The following ADGRD1 variants were observed in gnomAD, a reference collection of about 807,000 sequenced individuals.
The protein encoded by ADGRD1 is adhesion G protein-coupled receptor D1.
Under a neutral mutation model 113.4 loss-of-function variants are expected in ADGRD1, and 77 were observed. The observed-to-expected ratio is 0.68, with a 90% CI of 0.57 to 0.82. The LOEUF (loss-of-function observed/expected upper bound fraction) is 0.82, where lower values mean the gene tolerates loss of function less well. Among genes scored for constraint, ADGRD1 ranks in the 40% least tolerant of loss-of-function variants. ADGRD1 has a pLI of 0.00. For synonymous variants in ADGRD1, 474 were observed against 475.0 expected, an observed-to-expected ratio of 1.00 and a Z score of 0.03; for missense variants, 1,036 against 1,139.1, an observed-to-expected ratio of 0.91 and a Z score of 1.30.
chr12:131,011,110 C>A (rs1160374380), intron 12 of ADGRD1, among the ~76,000 whole-genome samples: 1 of 138,044 alleles, frequency 7.2e-6, no homozygotes, highest in Non-Finnish European at 1.6e-5. Context: ...CCTGCCCCAC[C>A]CTGCCCCACC....
At chr12:131,047,034 A>G (rs556508808) in intron 13 of ADGRD1, among the ~76,000 whole-genome samples, 1 of 133,038 alleles carries the variant, frequency 7.5e-6, no homozygotes, top group East Asian at 2.5e-4. Context: ...CTCTCTAGTC[A>G]GTGTCCTCCC....
intron 13 of ADGRD1, among the ~76,000 whole-genome samples, chr12:131,048,391 G>A (rs572563537): frequency 4.6e-5 from 7 of 152,304 alleles, no homozygotes; most frequent in South Asian, 2.1e-4. Flanking sequence ...GGAAGCAGCC[G>A]CCCATCCTCG....
At chr12:130,968,617 A>G (rs1871275188) in intron 3 of ADGRD1, 1 of 240,778 alleles carries the variant, frequency 4.2e-6, no homozygotes, top group Non-Finnish European at 8.0e-6. Context: ...TGACATCATA[A>G]CCATTCATCC....
intron 15 of ADGRD1, among the ~76,000 whole-genome samples, chr12:131,092,967 C>A (rs779124962): frequency 1.9e-4 from 28 of 151,184 alleles, no homozygotes; most frequent in Non-Finnish European, 3.1e-4. Flanking sequence ...ATGCTGGAGG[C>A]GAGTGGCTAC....
At chr12:131,014,627 T>C (rs931437660) in intron 13 of ADGRD1, among the ~76,000 whole-genome samples, 1 of 152,214 alleles carries the variant, frequency 6.6e-6, no homozygotes, top group African/African-American at 2.4e-5. Flanking sequence ...TCCTCATTTA[T>C]AACAAGTGTC....
chr12:130,976,249 T>TCAGGG (rs1593281495), intron 4 of ADGRD1, among the ~76,000 whole-genome samples: 1 of 151,892 alleles, frequency 6.6e-6, no homozygotes, highest in East Asian at 1.9e-4. Flanking sequence ...CGATCTGGGG[T>TCAGGG]CAGGGGGCTT....
intron 6 of ADGRD1, chr12:130,990,533 G>C (rs527501928): frequency 1.3e-5 from 2 of 153,328 alleles, no homozygotes; most frequent in Non-Finnish European, 2.9e-5. Context: ...TTGGGCTAGA[G>C]GGGGCTCAGG....
chr12:130,992,936 G>A (rs1327101656), intron 8 of ADGRD1, among the ~76,000 whole-genome samples: 1 of 152,180 alleles, frequency 6.6e-6, no homozygotes. Flanking sequence ...GCTGTCTTCT[G>A]TTTTAGGGCT....
chr12:130,993,886 G>GC, intron 8 of ADGRD1: 1 of 154,848 alleles, frequency 6.5e-6, no homozygotes, highest in Non-Finnish European at 1.4e-5. Flanking sequence ...CCAGCTGCAG[G>GC]CCCCCAGCAC....
intron 7 of ADGRD1, 167 bp downstream of exon 7, chr12:130,991,245 T>C (rs577306903): frequency 3.4e-6 from 2 of 584,410 alleles, no homozygotes; most frequent in South Asian, 2.1e-5. Context: ...TACTAATTCT[T>C]GGTGCTAAGA....
rs538416279 is a variant in ADGRD1 at position 131,057,810 on chromosome 12, G to A, written c.1474-18991G>A. Among the ~76,000 whole-genome samples the A allele has an allele frequency of 6.6e-6, 1 of 152,264 alleles. No individual in the cohort carries two copies. The highest frequency in any genetic ancestry group is 2.1e-4 in the South Asian group (1 of 4,814). The stretch of plus-strand genomic sequence containing the variant: ...AACCGTTCAACCCACAACACAGGTG[G>A]AGCTGGGATGAGGCAGAAAATGGGT... On this transcript the variant is annotated intron_variant, in intron 13 of 24. Transcript: ENST00000261654. The surrounding 1 kb of genome is among the most constrained non-coding windows in gnomAD (Gnocchi z 4.2).
Position 131,086,416 on chromosome 12 carries a change from C to T in ADGRD1, c.1671+1753C>T, listed in dbSNP as rs368840942. Among the ~76,000 whole-genome samples, 38 of 152,270 alleles carry T rather than the reference C, an allele frequency of 2.5e-4. No homozygotes were observed. In the East Asian group the frequency reaches 6.6e-3, roughly 26 times the overall value. On this transcript the variant is annotated intron_variant, in intron 15 of 24. Coordinates refer to ENST00000261654, the MANE Select transcript of ADGRD1 (RefSeq NM_198827.5). ...CTGTGGGAAGGACACGAGTCCACTG[C>T]GACACAGTCACGGATCCAGCGCTCA... is the stretch of plus-strand genomic sequence containing the variant.
chr12:131,118,273 A>C, intron 18 of ADGRD1, 112 bp from the exon 19 acceptor site: 1 of 733,074 alleles, frequency 1.4e-6, no homozygotes, highest in Non-Finnish European at 2.4e-6. Context: ...CCCCCTCTGT[A>C]TACATGTATG....
chr12:131,125,782 A>G (rs985082002), intron 20 of ADGRD1, among the ~76,000 whole-genome samples: 1 of 152,234 alleles, frequency 6.6e-6, no homozygotes, highest in Admixed American at 6.5e-5. Context: ...CCTACAGAAC[A>G]TCATAGCCTA....
At chr12:131,049,066 G>A (rs35222923) in intron 13 of ADGRD1, among the ~76,000 whole-genome samples, 13,604 of 152,304 alleles carry the variant, frequency 0.089, 846 homozygotes, top group Non-Finnish European at 0.13. Flanking sequence ...TTGGAAAAGC[G>A]GATGATACTT....
At chr12:131,059,960 A>C (rs1377584986) in intron 13 of ADGRD1, among the ~76,000 whole-genome samples, 1 of 152,176 alleles carries the variant, frequency 6.6e-6, no homozygotes, top group Non-Finnish European at 1.5e-5. Flanking sequence ...CATCCTGGAC[A>C]CTTTGGTTAT....
At chr12:130,961,993 C>T (rs1286669478) in intron 2 of ADGRD1, among the ~76,000 whole-genome samples, 1 of 152,222 alleles carries the variant, frequency 6.6e-6, no homozygotes, top group East Asian at 1.9e-4. Flanking sequence ...TGCCCTACGA[C>T]TGCAGTGGTG....
At position 130,971,403 on chromosome 12, in the gene ADGRD1, G is replaced by A; in HGVS notation, c.188-55G>A. On this transcript the variant is annotated intron_variant, in intron 3 of 24. Coordinates refer to ENST00000261654, the MANE Select transcript of ADGRD1 (RefSeq NM_198827.5). The surrounding 1 kb of genome is among the most constrained non-coding windows in gnomAD (Gnocchi z 4.2). ...TTTGTAGGTCTGACACACATCTTCA[G>A]ACTTTTAATCTCGGAAGGTTATTAA... 1 of 1,526,742 alleles carries A rather than the reference G, an allele frequency of 6.5e-7. No homozygotes were observed. The highest frequency in any genetic ancestry group is 2.3e-5 in the East Asian group (1 of 43,448). The allele number at this position is 1,526,742 out of a possible 1,614,324, so 94.6% of individuals were successfully genotyped here. A position where few individuals can be genotyped will look rare whatever the true frequency, so the allele number is the denominator to read the frequency against.
In ADGRD1 at chr12:131,005,994, G is replaced by T; in HGVS notation, c.1278G>T (p.Leu426=). 6.2e-7 allele frequency: 1 copy of T among 1,612,130 alleles called. No homozygotes were observed. The change falls in exon 12 of 25, where the codon CTG becomes CTT. Residue 426 remains leucine (L), a synonymous_variant. Coordinates refer to ENST00000261654, the MANE Select transcript of ADGRD1 (RefSeq NM_198827.5). ...CAGCCTGGAGCACCGTCGTGGGTCT[G>T]CTGTACCACAGCATGCACTACTACC... ...HRHAWSTVVG[L]LYHSMHYYLN...
Sources: allele counts gnomAD v4.1 joint callset (sites outside exome capture counted in the v4.1 genomes callset), GRCh38; gene constraint gnomAD v4.1.1; non-coding constraint Gnocchi (gnomAD v3.1); transcripts MANE v1.5; gene names NCBI Gene and HGNC (gene_info 2026-07-23, HGNC 2026-07-21).